The following PCDH15 variants were observed in gnomAD, a reference collection of about 807,000 sequenced individuals.
The protein encoded by PCDH15 is protocadherin related 15.
In PCDH15, 129 loss-of-function variants were observed where a neutral mutation model predicts 178.5. The ratio of observed to expected loss-of-function variants is 0.72; its 90% CI spans 0.63 to 0.84. The LOEUF (loss-of-function observed/expected upper bound fraction) is 0.84, where lower values mean the gene tolerates loss of function less well. Ranked by LOEUF, PCDH15 falls within the 40% of genes least tolerant of loss-of-function variation. The pLI, the probability that PCDH15 is intolerant of heterozygous loss-of-function variation, is 0.00. For missense variants in PCDH15, 2,230 were observed against 2,099.9 expected, an observed-to-expected ratio of 1.06 and a Z score of -1.21; for synonymous variants, 800 against 732.0, an observed-to-expected ratio of 1.09 and a Z score of -1.50.
intron 2 of PCDH15, among the ~76,000 whole-genome samples, chr10:55,605,497 A>G (rs1323381567): frequency 1.3e-5 from 2 of 150,902 alleles, no homozygotes; most frequent in African/African-American, 2.4e-5. Flanking sequence ...AAAATCCTCA[A>G]TAAAATACTG....
Position 55,422,102 on chromosome 10 carries a change from A to G in PCDH15, c.-156+205523T>C, listed in dbSNP as rs141130551. Reference sequence around the variant, plus strand: ...TTACTCCAAAAACAACTCCATACACATTAACAGTCACTCTCTATTCACCGC... The same window carrying G: ...TTACTCCAAAAACAACTCCATACACGTTAACAGTCACTCTCTATTCACCGC... On this transcript the variant is annotated intron_variant, in intron 2 of 5. Coordinates refer to the PCDH15 transcript ENST00000613346. Among the ~76,000 whole-genome samples, 574 of 151,886 alleles carry G rather than the reference A, an allele frequency of 3.8e-3. 5 individuals are homozygous for G. The highest frequency in any genetic ancestry group is 6.8e-3 in the Middle Eastern group (2 of 294).
At chr10:55,014,419 AT>A (rs1429696269) in intron 2 of PCDH15, among the ~76,000 whole-genome samples, 3 of 152,194 alleles carry the variant, frequency 2.0e-5, no homozygotes, top group Non-Finnish European at 2.9e-5. Context: ...GGAAAAATAA[AT>A]TACATTGCAA....
intron 2 of PCDH15, among the ~76,000 whole-genome samples, chr10:54,934,114 C>A (rs146389677): frequency 1.5e-4 from 23 of 152,146 alleles, no homozygotes; most frequent in African/African-American, 5.5e-4. Context: ...GGAATTGTGA[C>A]GTTAGTAAAT....
chr10:53,817,676 A>G (rs927774880), intron 34 of PCDH15, among the ~76,000 whole-genome samples: 3 of 151,570 alleles, frequency 2.0e-5, no homozygotes, highest in African/African-American at 7.3e-5. Flanking sequence ...CAGTAATCCT[A>G]GTTTCTAAAT....
At chr10:55,253,250 G>T (rs1219347) in intron 1 of PCDH15, among the ~76,000 whole-genome samples, 3 of 56,800 alleles carry the variant, frequency 5.3e-5, no homozygotes, top group African/African-American at 2.1e-4. Flanking sequence ...GTGTGTGTGC[G>T]TGTGTGTGTG....
chr10:55,163,250 C>G (rs1474082387), intron 2 of PCDH15, among the ~76,000 whole-genome samples: 4 of 152,114 alleles, frequency 2.6e-5, no homozygotes, highest in Admixed American at 6.6e-5. Flanking sequence ...TTGTAACTCC[C>G]CTATCTTGAT....
intron 19 of PCDH15, among the ~76,000 whole-genome samples, chr10:54,022,285 G>T: frequency 6.6e-6 from 1 of 152,012 alleles, no homozygotes; most frequent in East Asian, 1.9e-4. Context: ...ATACAGAGAT[G>T]TCATTAAAAA....
At chr10:53,830,962 C>T (rs11003872) in intron 30 of PCDH15, among the ~76,000 whole-genome samples, 58,195 of 152,000 alleles carry the variant, frequency 0.38, 11,810 homozygotes, top group East Asian at 0.75. Flanking sequence ...AGTGGGTATC[C>T]GCATATGACA....
chr10:54,258,337 G>A (rs2057071425), intron 8 of PCDH15, among the ~76,000 whole-genome samples: 1 of 152,048 alleles, frequency 6.6e-6, no homozygotes, highest in African/African-American at 2.4e-5. Context: ...GAATTCAAGA[G>A]GAAATAACAG....
At chr10:55,298,294 T>C (rs1409623343) in intron 1 of PCDH15, among the ~76,000 whole-genome samples, 1 of 152,228 alleles carries the variant, frequency 6.6e-6, no homozygotes, top group Non-Finnish European at 1.5e-5. Flanking sequence ...CATGCAATTA[T>C]GTTTACAAGA....
At chr10:55,378,976 A>G (rs893266577) in intron 2 of PCDH15, among the ~76,000 whole-genome samples, 2 of 151,578 alleles carry the variant, frequency 1.3e-5, no homozygotes, top group Admixed American at 6.6e-5. Context: ...CCCGTATCAT[A>G]GTCCATACAA....
At chr10:55,555,943 T>C (rs1235787458) in intron 2 of PCDH15, among the ~76,000 whole-genome samples, 1 of 152,166 alleles carries the variant, frequency 6.6e-6, no homozygotes, top group Non-Finnish European at 1.5e-5. Flanking sequence ...TGTTTGTTCA[T>C]TATCATTCAG....
At chr10:55,516,110 C>G (rs1841006606) in intron 2 of PCDH15, among the ~76,000 whole-genome samples, 1 of 151,980 alleles carries the variant, frequency 6.6e-6, no homozygotes, top group Non-Finnish European at 1.5e-5. Flanking sequence ...GTGTCCCCAC[C>G]CAACTCTCAT....
chr10:54,245,223 T>G (rs1359889484), intron 8 of PCDH15, among the ~76,000 whole-genome samples: 1 of 152,178 alleles, frequency 6.6e-6, no homozygotes, highest in Non-Finnish European at 1.5e-5. Flanking sequence ...AAATCTGATT[T>G]TGCATTATCA....
intron 30 of PCDH15, 22 bp from the exon 31 acceptor site, chr10:53,828,595 A>T (rs769073370): frequency 6.6e-7 from 1 of 1,526,454 alleles, no homozygotes; most frequent in South Asian, 1.1e-5. Context: ...AGCAAGAGTA[A>T]GAAAAATAGA....
rs185211009 is a variant in PCDH15 at position 54,310,902 on chromosome 10, T to A, written c.876+6369A>T. ...GGAATGAGAAAAAACGGTACTTCCA[T>A]AAAAAAGCAAGAGAGGAGAGATTTC... is the stretch of plus-strand genomic sequence containing the variant. On this transcript the variant is annotated intron_variant, in intron 8 of 37. Transcript: ENST00000644397. Among the ~76,000 whole-genome samples the A allele has an allele frequency of 1.5e-3, 228 of 152,104 alleles. 1 individual carries two copies. Among genetic ancestry groups the A allele is most frequent in the African/African-American group, 3.2e-3 (133 of 41,522 alleles).
chr10:54,655,278 G>GAGAGAGAC (rs2094361536), intron 2 of PCDH15, among the ~76,000 whole-genome samples: 1 of 140,594 alleles, frequency 7.1e-6, no homozygotes. Flanking sequence ...GAGAGAGAGA[G>GAGAGAGAC]AGAGAGAGAG....
intron 1 of PCDH15, among the ~76,000 whole-genome samples, chr10:54,709,526 G>T (rs939576606): frequency 2.7e-5 from 4 of 146,336 alleles, no homozygotes; most frequent in African/African-American, 1.0e-4. Flanking sequence ...AATGACAGGG[G>T]GTCTTTAGTA....
At chr10:53,991,120 G>A (rs770119049) in intron 21 of PCDH15, among the ~76,000 whole-genome samples, 14 of 152,154 alleles carry the variant, frequency 9.2e-5, no homozygotes, top group South Asian at 4.2e-4. Flanking sequence ...CGCGCAGCCC[G>A]AGTCTCCCCA....
Sources: allele counts gnomAD v4.1 joint callset (sites outside exome capture counted in the v4.1 genomes callset), GRCh38; gene constraint gnomAD v4.1.1; transcripts MANE v1.5; gene names NCBI Gene and HGNC (gene_info 2026-07-23, HGNC 2026-07-21).